LYRM4: variants seen among roughly 807,000 people sequenced by gnomAD.
LYRM4 encodes the protein LYR motif-containing protein 4.
Under a neutral mutation model 11.7 loss-of-function variants are expected in LYRM4, and 9 were observed. That is an observed-to-expected ratio of 0.77 (90% CI 0.46 to 1.34). LYRM4 has a LOEUF of 1.34. LYRM4 is among the 40% of genes most tolerant of loss of function. LYRM4 has a pLI of 0.00. For missense variants in LYRM4, 133 were observed against 112.5 expected, an observed-to-expected ratio of 1.18 and a Z score of -0.82; for synonymous variants, 42 against 40.4, an observed-to-expected ratio of 1.04 and a Z score of -0.15.
intron 2 of LYRM4, among the ~76,000 whole-genome samples, chr6:5,206,123 T>G (rs897727709): frequency 6.6e-6 from 1 of 152,120 alleles, no homozygotes; most frequent in Admixed American, 6.5e-5. Context: ...ATAGAGAGGG[T>G]CAGTGACATA....
the LYRM4 span, chr6:5,066,829 A>G: frequency 1.3e-5 from 10 of 786,224 alleles, no homozygotes; most frequent in Non-Finnish European, 2.2e-5. Flanking sequence ...GGATCCGGCC[A>G]CAGCTGCGGA....
At chr6:5,063,948 CA>C in the LYRM4 span, among the ~76,000 whole-genome samples, 1 of 152,202 alleles carries the variant, frequency 6.6e-6, no homozygotes, top group Non-Finnish European at 1.5e-5. Context: ...CTTGCCAGGC[CA>C]GGGGCAGTGG....
chr6:5,063,400 C>G, the LYRM4 span, among the ~76,000 whole-genome samples: 2 of 151,486 alleles, frequency 1.3e-5, no homozygotes, highest in African/African-American at 4.8e-5. Flanking sequence ...ATTTCCAGCC[C>G]CACAAGCCTT....
intron 1 of LYRM4, among the ~76,000 whole-genome samples, chr6:5,227,836 A>G (rs1164043659): frequency 6.6e-6 from 1 of 152,200 alleles, no homozygotes; most frequent in Non-Finnish European, 1.5e-5. Context: ...CTTTGCAGGG[A>G]CATGGATGAA....
intron 2 of LYRM4, among the ~76,000 whole-genome samples, chr6:5,117,284 C>A (rs916186737): frequency 6.6e-6 from 1 of 152,154 alleles, no homozygotes; most frequent in African/African-American, 2.4e-5. Flanking sequence ...GGGCGGGGCG[C>A]GGTGGCTCAC....
Position 5,168,742 on chromosome 6 carries a change from T to C in LYRM4, c.207+47876A>G, listed in dbSNP as rs549798955. Reference sequence around the variant, plus strand: ...GGCAATGGATAGTATTACTGCATCATTGATAAATGTCTTGGGTGTGACATA... The same window carrying C: ...GGCAATGGATAGTATTACTGCATCACTGATAAATGTCTTGGGTGTGACATA... On this transcript the variant is annotated intron_variant, in intron 2 of 2. Transcript: ENST00000330636. Among the ~76,000 whole-genome samples the C allele has an allele frequency of 1.6e-4, 24 of 152,286 alleles. 1 individual carries two copies. The South Asian group carries it at 4.6e-3, about 29-fold the overall frequency.
chr6:5,131,875 A>G (rs2127613771), intron 2 of LYRM4, among the ~76,000 whole-genome samples: 1 of 152,370 alleles, frequency 6.6e-6, no homozygotes, highest in South Asian at 2.1e-4. Context: ...GAAAAGAAGC[A>G]GCAGGATACA....
chr6:5,034,753 C>CTTTTTTTTTTTTTTTTTTTTT, the LYRM4 span: 1 of 93,884 alleles, frequency 1.1e-5, no homozygotes, highest in African/African-American at 5.0e-5. Flanking sequence ...TACAGCAATG[C>CTTTTTTTTTTTTTTTTTTTTT]TTTTTTTTTT....
chr6:5,231,986 A>G (rs1404451694), intron 1 of LYRM4, among the ~76,000 whole-genome samples: 2 of 152,186 alleles, frequency 1.3e-5, no homozygotes, highest in Non-Finnish European at 2.9e-5. Flanking sequence ...AGACTGAATA[A>G]AATTGAGCAA....
At chr6:5,089,804 C>T in the LYRM4 span, among the ~76,000 whole-genome samples, 2 of 152,266 alleles carry the variant, frequency 1.3e-5, no homozygotes, top group East Asian at 3.9e-4. Context: ...TGTGTGTAGC[C>T]TTTCCAAAGC....
chr6:5,163,314 C>T (rs116591035), intron 2 of LYRM4, among the ~76,000 whole-genome samples: 1,900 of 152,168 alleles, frequency 0.012, 39 homozygotes, highest in African/African-American at 0.043. Context: ...TTGACAAGGC[C>T]GTGCCATGCC....
chr6:5,200,867 C>A lies in LYRM4; in HGVS notation c.207+15751G>T, dbSNP rs1233779846. Among the ~76,000 whole-genome samples the A allele has an allele frequency of 4.6e-5, 7 of 152,268 alleles. No individual in the cohort carries two copies. In the East Asian group the frequency reaches 1.4e-3, roughly 29 times the overall value. On this transcript the variant is annotated intron_variant, in intron 2 of 2. Coordinates refer to ENST00000330636, the MANE Select transcript of LYRM4 (RefSeq NM_020408.6). ...TCTGACGTACAGTCAGGGCTGATAA[C>A]CACTGGTATAAGGTAAAAGTCCCGT...
In LYRM4 at chr6:5,122,016, G is replaced by GA. The variant is rs143467396; in HGVS notation, c.208-12526dup. Among the ~76,000 whole-genome samples, 1,200 of 152,248 alleles carry GA rather than the reference G, an allele frequency of 7.9e-3. 19 individuals carry two copies. Among genetic ancestry groups the GA allele is most frequent in the African/African-American group, 0.028 (1,165 of 41,532 alleles). Reference sequence around the variant, plus strand: ...CCTGTTGTTATTTTACTCCTCCAGGGACACCTTTTTTCAAAGTCGACTTGA... The same window carrying GA: ...CCTGTTGTTATTTTACTCCTCCAGGGAACACCTTTTTTCAAAGTCGACTTGA... On this transcript the variant is annotated intron_variant, in intron 2 of 2. Coordinates refer to ENST00000330636, the MANE Select transcript of LYRM4 (RefSeq NM_020408.6).
At chr6:5,128,753 C>T (rs551761259) in intron 2 of LYRM4, among the ~76,000 whole-genome samples, 4 of 152,214 alleles carry the variant, frequency 2.6e-5, no homozygotes, top group Non-Finnish European at 5.9e-5. Context: ...ATATGAACTA[C>T]TACATGGGGT....
intron 1 of LYRM4, among the ~76,000 whole-genome samples, chr6:5,234,625 A>G (rs1763431603): frequency 6.6e-6 from 1 of 152,216 alleles, no homozygotes; most frequent in African/African-American, 2.4e-5. Context: ...CAGGCTAATA[A>G]TAAATATAGA....
intron 2 of LYRM4, among the ~76,000 whole-genome samples, chr6:5,170,511 A>G (rs1476726408): frequency 6.7e-6 from 1 of 148,412 alleles, no homozygotes; most frequent in Non-Finnish European, 1.5e-5. Context: ...TATTTATTTA[A>G]TATTTTTGAG....
At chr6:5,246,599 A>C (rs1041704388) in intron 1 of LYRM4, among the ~76,000 whole-genome samples, 3 of 152,186 alleles carry the variant, frequency 2.0e-5, no homozygotes, top group Non-Finnish European at 4.4e-5. Context: ...GGACACAGCC[A>C]CCCAGGTTAG....
At chr6:5,040,105 G>A in the LYRM4 span, among the ~76,000 whole-genome samples, 2 of 152,100 alleles carry the variant, frequency 1.3e-5, no homozygotes, top group African/African-American at 4.8e-5. Context: ...ATTTCAGAAG[G>A]AATGTAGCTT....
At chr6:5,108,345 C>T (rs538919363), downstream of LYRM4, 7 of 732,108 alleles carry the variant, frequency 9.6e-6, no homozygotes, top group East Asian at 1.3e-4. Context: ...TCTGGTCCCT[C>T]GTAAACTCCC....
Sources: gnomAD v4.1 joint callset for allele counts (sites outside exome capture counted in the v4.1 genomes callset) on GRCh38, gnomAD v4.1.1 for gene constraint, MANE v1.5 for transcripts, NCBI Gene and HGNC (gene_info 2026-07-23, HGNC 2026-07-21) for gene names.